PPM1B: variants seen among roughly 807,000 people sequenced by gnomAD.
PPM1B encodes protein phosphatase, Mg2+/Mn2+ dependent 1B.
PPM1B carries 22 observed loss-of-function variants against 43.0 expected under a neutral mutation model. The observed-to-expected ratio is 0.51, with a 90% CI of 0.37 to 0.73. The LOEUF (loss-of-function observed/expected upper bound fraction) is 0.73. Ranked by LOEUF, PPM1B falls within the 30% of genes least tolerant of loss-of-function variation. The probability of loss-of-function intolerance (pLI) is 0.00; values close to 1 mark genes in which losing one functional copy is unlikely to be tolerated. For synonymous variants in PPM1B, 217 were observed against 197.9 expected, an observed-to-expected ratio of 1.10 and a Z score of -0.81; for missense variants, 632 against 584.2, an observed-to-expected ratio of 1.08 and a Z score of -0.84.
chr2:44,207,057 G>A (rs147721300), intron 2 of PPM1B, among the ~76,000 whole-genome samples: 17 of 152,206 alleles, frequency 1.1e-4, no homozygotes, highest in East Asian at 1.9e-4. Context: ...CCAGATAACC[G>A]GGAATCTAAT....
downstream of PPM1B, chr2:44,232,255 TCAATC>T: frequency 6.4e-7 from 1 of 1,570,424 alleles, no homozygotes; most frequent in East Asian, 2.2e-5. Context: ...CTTTTGAAAT[TCAATC>T]CAATCTGGAA....
intron 1 of PPM1B, among the ~76,000 whole-genome samples, 160 bp downstream of exon 1, chr2:44,169,434 A>T (rs529098039): frequency 6.6e-6 from 1 of 152,336 alleles, no homozygotes; most frequent in South Asian, 2.1e-4. Flanking sequence ...GAGCCTAGGC[A>T]GGGGAACGCC....
At chr2:44,234,835 C>T (rs1385510223), downstream of PPM1B, among the ~76,000 whole-genome samples, 1 of 152,024 alleles carries the variant, frequency 6.6e-6, no homozygotes, top group African/African-American at 2.4e-5. Context: ...ATATATAAAC[C>T]ATTTTATGAA....
intron 5 of PPM1B, chr2:44,230,116 G>T (rs1048103751): frequency 6.8e-6 from 10 of 1,475,166 alleles, no homozygotes; most frequent in Non-Finnish European, 8.9e-6. Flanking sequence ...TCAGTTTTAG[G>T]AAATGCTTGT....
intron 1 of PPM1B, among the ~76,000 whole-genome samples, chr2:44,198,906 G>T (rs1668787581): frequency 6.6e-6 from 1 of 152,100 alleles, no homozygotes; most frequent in Non-Finnish European, 1.5e-5. Flanking sequence ...TTTTCACTAC[G>T]TATTTTGCAG....
intron 2 of PPM1B, among the ~76,000 whole-genome samples, chr2:44,204,937 A>G (rs538662158): frequency 2.6e-5 from 4 of 151,480 alleles, no homozygotes; most frequent in Non-Finnish European, 4.4e-5. Flanking sequence ...GTGTTGTATG[A>G]CTGTGGTCAG....
chr2:44,208,987 T>A (rs1447261164), intron 2 of PPM1B, among the ~76,000 whole-genome samples: 1 of 152,188 alleles, frequency 6.6e-6, no homozygotes, highest in Non-Finnish European at 1.5e-5. Context: ...GTAATAATAG[T>A]TCACCAGAAT....
downstream of PPM1B, among the ~76,000 whole-genome samples, chr2:44,236,652 A>T (rs1670632386): frequency 6.6e-6 from 1 of 152,176 alleles, no homozygotes; most frequent in African/African-American, 2.4e-5. Context: ...AACCTTGGAA[A>T]ATACGCAAAC....
chr2:44,218,230 C>G (rs1287317690), intron 4 of PPM1B, 152 bp downstream of exon 4: 1 of 697,928 alleles, frequency 1.4e-6, no homozygotes, highest in East Asian at 2.8e-5. Context: ...AAAACTTCAA[C>G]CAAAAACGAT....
intron 3 of PPM1B, among the ~76,000 whole-genome samples, chr2:44,211,953 T>C (rs540081742): frequency 6.6e-6 from 1 of 152,308 alleles, no homozygotes; most frequent in African/African-American, 2.4e-5. Context: ...TTCTCCATGT[T>C]GGTCAGGCTG....
At chr2:44,212,827 G>A (rs1379127179) in intron 3 of PPM1B, among the ~76,000 whole-genome samples, 3 of 151,856 alleles carry the variant, frequency 2.0e-5, no homozygotes, top group Admixed American at 1.3e-4. Flanking sequence ...TGGCTAACAC[G>A]GTGAAAACCT....
chr2:44,193,575 CTTTT>C (rs575288322), intron 1 of PPM1B, among the ~76,000 whole-genome samples: 2 of 116,708 alleles, frequency 1.7e-5, no homozygotes, highest in African/African-American at 3.5e-5. Flanking sequence ...AATTTTTTTT[CTTTT>C]TTTTTTTTTT....
At chr2:44,197,987 C>T (rs1352307736) in intron 1 of PPM1B, among the ~76,000 whole-genome samples, 3 of 152,130 alleles carry the variant, frequency 2.0e-5, no homozygotes, top group African/African-American at 4.8e-5. Context: ...GAGCCTGAAG[C>T]ATCCCTAACA....
At chr2:44,199,314 A>AAT (rs1558406257) in intron 1 of PPM1B, among the ~76,000 whole-genome samples, 1 of 98,326 alleles carries the variant, frequency 1.0e-5, no homozygotes, top group African/African-American at 4.5e-5. Context: ...AAAAAAAAAA[A>AAT]AAATAAAAAT....
chr2:44,223,112 G>A (rs555085757), intron 5 of PPM1B, among the ~76,000 whole-genome samples: 43 of 152,244 alleles, frequency 2.8e-4, no homozygotes, highest in Admixed American at 9.8e-4. Flanking sequence ...GATTACAGAC[G>A]TGAGCCACTG....
Position 44,209,310 on chromosome 2 carries a change from T to C in PPM1B, c.947T>C (p.Leu316Ser). Residue 316 changes from leucine (L) to serine (S), a missense_variant, in exon 3 of 6, where the codon TTG becomes TCG. Physicochemically the swap from Leu to Ser is moderately radical, Grantham distance 145. Around this residue, in one of 3 missense-constraint regions of PPM1B, gnomAD observed 392 missense variants for 302.7 expected, o/e 1.29. Transcript: ENST00000282412. ...AAAGATTCAGAGTTGGATAAGCACT[T>C]GGAATCACGGGTTGAAGGTAAGACA... is the stretch of plus-strand genomic sequence containing the variant. ...VKKDSELDKH[L>S]ESRVEEIMEK... The C allele has an allele frequency of 1.2e-6, 2 of 1,614,058 alleles. No homozygotes were observed. Among genetic ancestry groups the C allele is most frequent in the Non-Finnish European group, 1.7e-6 (2 of 1,179,978 alleles).
At chr2:44,171,981 A>G (rs973033749) in intron 1 of PPM1B, among the ~76,000 whole-genome samples, 1 of 152,204 alleles carries the variant, frequency 6.6e-6, no homozygotes, top group African/African-American at 2.4e-5. Context: ...AGTATTTTAT[A>G]TTTTCTGTGA....
intron 1 of PPM1B, among the ~76,000 whole-genome samples, chr2:44,193,779 G>A (rs1572704423): frequency 6.6e-6 from 1 of 151,854 alleles, no homozygotes; most frequent in Admixed American, 6.6e-5. Flanking sequence ...GGGTTTTACC[G>A]TGTTGGCCAG....
intron 3 of PPM1B, among the ~76,000 whole-genome samples, chr2:44,214,390 T>TA (rs1193192447): frequency 6.6e-6 from 1 of 151,624 alleles, no homozygotes; most frequent in Non-Finnish European, 1.5e-5. Flanking sequence ...TTTTTTTTCT[T>TA]AAATAAATTG....
Sources: allele counts gnomAD v4.1 joint callset (sites outside exome capture counted in the v4.1 genomes callset), GRCh38; gene constraint gnomAD v4.1.1; regional missense constraint gnomAD v4.1.1; transcripts MANE v1.5; gene names NCBI Gene and HGNC (gene_info 2026-07-23, HGNC 2026-07-21).